The following LRRC4C variants were observed in gnomAD, a reference collection of about 807,000 sequenced individuals.
The protein encoded by LRRC4C is leucine rich repeat containing 4C, also known as leucine-rich repeat-containing protein 4C.
A neutral mutation model predicts 33.6 loss-of-function variants in LRRC4C; 5 were observed. That is an observed-to-expected ratio of 0.15 (90% CI 0.08 to 0.31). The LOEUF (loss-of-function observed/expected upper bound fraction) is 0.31. Among genes scored for constraint, LRRC4C ranks in the 10% least tolerant of loss-of-function variants. LRRC4C has a pLI of 1.00. For synonymous variants in LRRC4C, 329 were observed against 302.0 expected, an observed-to-expected ratio of 1.09 and a Z score of -0.93; for missense variants, 560 against 796.7, an observed-to-expected ratio of 0.70 and a Z score of 3.58.
At chr11:40,251,162 C>T (rs1866759399) in intron 4 of LRRC4C, among the ~76,000 whole-genome samples, 1 of 152,156 alleles carries the variant, frequency 6.6e-6, no homozygotes, top group Non-Finnish European at 1.5e-5. Flanking sequence ...ATCTTTTACC[C>T]ATTGCAAAGG....
intron 1 of LRRC4C, among the ~76,000 whole-genome samples, chr11:41,453,572 A>T (rs757233238): frequency 4.8e-4 from 73 of 152,064 alleles, no homozygotes; most frequent in Non-Finnish European, 9.1e-4. Context: ...TGGGCTTTGG[A>T]GTGAGTCAGA....
At chr11:40,212,534 A>C (rs1863679621) in intron 5 of LRRC4C, among the ~76,000 whole-genome samples, 1 of 152,182 alleles carries the variant, frequency 6.6e-6, no homozygotes, top group Non-Finnish European at 1.5e-5. Flanking sequence ...TTATAAATGA[A>C]ATGTTATATC....
At chr11:41,063,240 A>G (rs578218767) in intron 1 of LRRC4C, among the ~76,000 whole-genome samples, 1 of 152,324 alleles carries the variant, frequency 6.6e-6, no homozygotes, top group Non-Finnish European at 1.5e-5. Context: ...TTTATTATTT[A>G]TTAAGAAACT....
chr11:41,246,123 C>T (rs72894505), intron 1 of LRRC4C, among the ~76,000 whole-genome samples: 170 of 152,226 alleles, frequency 1.1e-3, no homozygotes, highest in Non-Finnish European at 1.6e-3. Context: ...CTCCTGCTGC[C>T]GTTTATCTGC....
At chr11:40,645,501 T>C (rs1031247413) in intron 3 of LRRC4C, among the ~76,000 whole-genome samples, 1 of 152,192 alleles carries the variant, frequency 6.6e-6, no homozygotes, top group African/African-American at 2.4e-5. Context: ...GAGAGGGAAG[T>C]AGAAAGTGCT....
At chr11:40,357,395 G>A (rs914199696) in intron 3 of LRRC4C, among the ~76,000 whole-genome samples, 1 of 152,068 alleles carries the variant, frequency 6.6e-6, no homozygotes, top group African/African-American at 2.4e-5. Context: ...TTTACATTCT[G>A]TTTGGCACCT....
intron 1 of LRRC4C, among the ~76,000 whole-genome samples, chr11:41,375,664 C>A (rs1166108657): frequency 1.3e-5 from 2 of 151,942 alleles, no homozygotes; most frequent in Non-Finnish European, 2.9e-5. Flanking sequence ...TGGTAGAGAG[C>A]CAAACTGGGA....
intron 1 of LRRC4C, among the ~76,000 whole-genome samples, chr11:41,102,780 T>C (rs1276396096): frequency 6.6e-6 from 1 of 152,062 alleles, no homozygotes; most frequent in Non-Finnish European, 1.5e-5. Flanking sequence ...AAATCCCAAA[T>C]ATGGCATGTG....
chr11:40,554,738 T>TGA (rs1957264478), intron 3 of LRRC4C, among the ~76,000 whole-genome samples: 50 of 908 alleles, frequency 0.055, no homozygotes, highest in African/African-American at 0.14. Context: ...ATTGCATTCT[T>TGA]TTTTTTTTTT....
intron 2 of LRRC4C, among the ~76,000 whole-genome samples, chr11:40,716,823 G>A (rs1330037743): frequency 6.6e-6 from 1 of 152,154 alleles, no homozygotes; most frequent in African/African-American, 2.4e-5. Context: ...GAGAGTGACA[G>A]ATGCTGGTGG....
intron 2 of LRRC4C, among the ~76,000 whole-genome samples, chr11:40,678,033 CT>C (rs1357941624): frequency 1.3e-5 from 2 of 151,952 alleles, no homozygotes; most frequent in Admixed American, 1.3e-4. Context: ...GTCTTCCTTC[CT>C]TTATCTGAGA....
intron 1 of LRRC4C, among the ~76,000 whole-genome samples, chr11:41,387,793 T>C (rs980644225): frequency 2.6e-5 from 4 of 151,782 alleles, no homozygotes; most frequent in Non-Finnish European, 5.9e-5. Context: ...TGGCTAAATA[T>C]CTGAAACCTC....
At chr11:40,760,402 G>T (rs1949149583) in intron 2 of LRRC4C, among the ~76,000 whole-genome samples, 1 of 128,156 alleles carries the variant, frequency 7.8e-6, no homozygotes, top group African/African-American at 2.8e-5. Context: ...TTTACTATTT[G>T]GTCCTTTACC....
chr11:40,360,115 C>A (rs1238332431), intron 3 of LRRC4C, among the ~76,000 whole-genome samples: 3 of 152,212 alleles, frequency 2.0e-5, no homozygotes, highest in African/African-American at 7.2e-5. Context: ...GAAAAAAAAT[C>A]TTTTGCAGAT....
rs188000314 is a variant in LRRC4C at position 41,249,270 on chromosome 11, G to A, written c.-496+210161C>T. Among the ~76,000 whole-genome samples the A allele has an allele frequency of 7.0e-4, 106 of 152,088 alleles. 1 individual carries two copies. Among genetic ancestry groups the A allele is most frequent in the South Asian group, 1.7e-3 (8 of 4,816 alleles). On this transcript the variant is annotated intron_variant, in intron 1 of 6. Transcript: ENST00000528697. ...AGGATGGTCTCGATCTCCTGGCCTC[G>A]TGATCTGCCCTCCTCGGCCTCCCAA...
chr11:40,154,746 C>A (rs144589213), intron 5 of LRRC4C, among the ~76,000 whole-genome samples: 4,123 of 152,198 alleles, frequency 0.027, 92 homozygotes, highest in Middle Eastern at 0.088. Flanking sequence ...GACAGCAACA[C>A]AATAATAGTA....
chr11:40,581,002 C>T lies in LRRC4C; in HGVS notation c.-270+67140G>A, dbSNP rs182012566. Among the ~76,000 whole-genome samples the T allele has an allele frequency of 7.9e-4, 121 of 152,312 alleles. 1 individual carries two copies. The highest frequency in any genetic ancestry group is 2.7e-3 in the Admixed American group (41 of 15,306). ...CAGATAGGGTTCCAGTGAATAATTG[C>T]GCAAGCAAGCAATATTGGTATTTTT... On this transcript the variant is annotated intron_variant, in intron 3 of 6. Coordinates refer to ENST00000528697, the MANE Select transcript of LRRC4C (RefSeq NM_001258419.2).
At chr11:40,891,409 A>G (rs1206938998) in intron 2 of LRRC4C, among the ~76,000 whole-genome samples, 1 of 152,200 alleles carries the variant, frequency 6.6e-6, no homozygotes. Flanking sequence ...AAAGCAATCT[A>G]CAAATTCAAT....
chr11:40,859,274 A>G (rs976472109), intron 2 of LRRC4C, among the ~76,000 whole-genome samples: 3 of 152,182 alleles, frequency 2.0e-5, no homozygotes, highest in Non-Finnish European at 4.4e-5. Context: ...GCAAGGTCAG[A>G]TAATGTATAC....
Sources: gnomAD v4.1 joint callset for allele counts (sites outside exome capture counted in the v4.1 genomes callset) on GRCh38, gnomAD v4.1.1 for gene constraint, MANE v1.5 for transcripts, NCBI Gene and HGNC (gene_info 2026-07-23, HGNC 2026-07-21) for gene names.